CAMKMT: variants seen among roughly 807,000 people sequenced by gnomAD.
CAMKMT encodes calmodulin-lysine N-methyltransferase, also known as CaM KMT.
Under a neutral mutation model 48.0 loss-of-function variants are expected in CAMKMT, and 53 were observed. That is an observed-to-expected ratio of 1.10 (90% CI 0.89 to 1.39). The LOEUF (loss-of-function observed/expected upper bound fraction) is 1.39. CAMKMT is among the 40% of genes most tolerant of loss of function. The pLI is 0.00. For synonymous variants in CAMKMT, 165 were observed against 152.3 expected (o/e 1.08, Z -0.61); for missense variants, 428 against 402.7 (o/e 1.06, Z -0.54).
intron 5 of CAMKMT, 132 bp downstream of exon 5, chr2:44,706,473 C>A (rs1573124334): frequency 5.2e-6 from 4 of 773,604 alleles, no homozygotes; most frequent in East Asian, 5.0e-5. Flanking sequence ...TCTTGAGAGA[C>A]CTTCTAGATT....
intron 3 of CAMKMT, among the ~76,000 whole-genome samples, chr2:44,520,237 T>G (rs1374840147): frequency 6.6e-6 from 1 of 151,812 alleles, no homozygotes; most frequent in Non-Finnish European, 1.5e-5. Flanking sequence ...AATACATAAA[T>G]AAATTTATTT....
intron 3 of CAMKMT, chr2:44,456,421 C>A (rs991491287): frequency 5.2e-6 from 5 of 963,736 alleles, no homozygotes; most frequent in Non-Finnish European, 7.3e-6. Context: ...ATATTTAGGT[C>A]TTTTAGCCCT....
chr2:44,449,533 C>T (rs1667181553), intron 3 of CAMKMT, among the ~76,000 whole-genome samples: 1 of 151,976 alleles, frequency 6.6e-6, no homozygotes, highest in African/African-American at 2.4e-5. Context: ...TCTTTTTTCT[C>T]ATTTCTAGAT....
intron 3 of CAMKMT, among the ~76,000 whole-genome samples, chr2:44,585,161 ATT>A (rs978597773): frequency 2.6e-5 from 4 of 152,176 alleles, no homozygotes; most frequent in Non-Finnish European, 5.9e-5. Flanking sequence ...AGTCAAGTTA[ATT>A]TTGATACCTT....
chr2:44,742,644 A>G (rs2104371441), intron 7 of CAMKMT, among the ~76,000 whole-genome samples: 1 of 152,272 alleles, frequency 6.6e-6, no homozygotes, highest in Non-Finnish European at 1.5e-5. Context: ...CTACCTTGAG[A>G]AATTTACTGG....
At chr2:44,730,220 C>G (rs2104342430) in intron 7 of CAMKMT, among the ~76,000 whole-genome samples, 1 of 152,304 alleles carries the variant, frequency 6.6e-6, no homozygotes, top group Admixed American at 6.5e-5. Context: ...CTGGCCTCTT[C>G]TTTAGGCTTT....
At chr2:44,441,612 A>G (rs914722894) in intron 3 of CAMKMT, among the ~76,000 whole-genome samples, 1 of 152,142 alleles carries the variant, frequency 6.6e-6, no homozygotes, top group Non-Finnish European at 1.5e-5. Context: ...CACAGACTGA[A>G]TAATATAGTG....
chr2:44,594,648 G>T lies in CAMKMT; in HGVS notation c.377-109635G>T, dbSNP rs1393514287. ...AACTGGATCCCTTCCTTACACCTTA[G>T]ACAAAAATTAACTCAAGATGGATTA... On this transcript the variant is annotated intron_variant, in intron 3 of 10. Transcript: ENST00000378494. Among the ~76,000 whole-genome samples the T allele has an allele frequency of 5.9e-5, 9 of 151,980 alleles. No individual in the cohort carries two copies. The East Asian group carries it at 1.3e-3, about 23-fold the overall frequency.
intron 3 of CAMKMT, among the ~76,000 whole-genome samples, chr2:44,629,546 C>G (rs895408869): frequency 6.6e-6 from 1 of 151,368 alleles, no homozygotes; most frequent in African/African-American, 2.4e-5. Context: ...TCAAGCAATC[C>G]TCCCACCTTG....
At chr2:44,520,132 T>A (rs1319766950) in intron 3 of CAMKMT, among the ~76,000 whole-genome samples, 2 of 151,632 alleles carry the variant, frequency 1.3e-5, no homozygotes, top group Non-Finnish European at 2.9e-5. Context: ...GGCAGGAGAA[T>A]GGCGTGAACC....
intron 3 of CAMKMT, among the ~76,000 whole-genome samples, chr2:44,679,896 A>G (rs139649747): frequency 6.6e-6 from 1 of 152,362 alleles, no homozygotes; most frequent in Non-Finnish European, 1.5e-5. Context: ...CTAAGTGGTT[A>G]GTAAAACATA....
At chr2:44,483,198 G>A (rs573468202) in intron 3 of CAMKMT, among the ~76,000 whole-genome samples, 2 of 152,164 alleles carry the variant, frequency 1.3e-5, no homozygotes, top group African/African-American at 4.8e-5. Flanking sequence ...GTCAGTGTGG[G>A]GAGAATAAAG....
At chr2:44,525,659 G>T (rs1671366732) in intron 3 of CAMKMT, among the ~76,000 whole-genome samples, 1 of 152,108 alleles carries the variant, frequency 6.6e-6, no homozygotes, top group Admixed American at 6.6e-5. Flanking sequence ...CGTATGTCAT[G>T]CAGTTCTTTT....
chr2:44,363,804 A>T (rs1262811942), intron 1 of CAMKMT, among the ~76,000 whole-genome samples: 2 of 146,458 alleles, frequency 1.4e-5, no homozygotes, highest in East Asian at 4.0e-4. Context: ...ATTCTCCCGT[A>T]CTCAGCCTTC....
intron 3 of CAMKMT, among the ~76,000 whole-genome samples, chr2:44,660,954 G>GT (rs200915691): frequency 0.011 from 1,703 of 151,678 alleles, 35 homozygotes; most frequent in African/African-American, 0.039. Context: ...TTTGGGAATA[G>GT]TTTTTTTTTA....
chr2:44,512,149 C>A, intron 3 of CAMKMT, among the ~76,000 whole-genome samples: 1 of 152,180 alleles, frequency 6.6e-6, no homozygotes, highest in Non-Finnish European at 1.5e-5. Flanking sequence ...CAGGCTGCCA[C>A]TACCTTGCAG....
chr2:44,483,860 C>T (rs1157908521), intron 3 of CAMKMT, among the ~76,000 whole-genome samples: 1 of 151,988 alleles, frequency 6.6e-6, no homozygotes, highest in African/African-American at 2.4e-5. Flanking sequence ...TCTGAATATC[C>T]CCTGAGATTT....
chr2:44,726,636 G>A (rs1379757134), intron 7 of CAMKMT, among the ~76,000 whole-genome samples: 1 of 152,134 alleles, frequency 6.6e-6, no homozygotes, highest in African/African-American at 2.4e-5. Flanking sequence ...GGTCACACGT[G>A]TCTATTTTTG....
intron 3 of CAMKMT, among the ~76,000 whole-genome samples, chr2:44,559,718 C>G (rs1206735009): frequency 2.0e-5 from 3 of 152,072 alleles, no homozygotes; most frequent in Non-Finnish European, 4.4e-5. Context: ...GGGAAAGAGT[C>G]TAGCTCAATG....
Sources: allele counts gnomAD v4.1 joint callset (sites outside exome capture counted in the v4.1 genomes callset), GRCh38; gene constraint gnomAD v4.1.1; transcripts MANE v1.5; gene names NCBI Gene and HGNC (gene_info 2026-07-23, HGNC 2026-07-21).